The following BCAR3 variants were observed in gnomAD, a reference collection of about 807,000 sequenced individuals.
BCAR3 encodes the protein breast cancer anti-estrogen resistance protein 3.
BCAR3 carries 37 observed loss-of-function variants against 80.1 expected under a neutral mutation model. That is an observed-to-expected ratio of 0.46 (90% confidence interval 0.36 to 0.61). The LOEUF (loss-of-function observed/expected upper bound fraction) is 0.61. Ranked by LOEUF, BCAR3 falls within the 20% of genes least tolerant of loss-of-function variation. BCAR3 has a pLI of 0.00. For missense variants in BCAR3, 978 were observed against 1,068.2 expected (o/e 0.92, Z 1.18); for synonymous variants, 389 against 418.9 (o/e 0.93, Z 0.87).
intron 2 of BCAR3, chr1:93,845,477 TATATATATATATATATATATA>T (rs1557708395): frequency 0.02 from 51 of 2,612 alleles, 5 homozygotes; most frequent in African/African-American, 0.078. Context: ...TATATATATA[TATATATATATATATATATATA>T]TATAAAACTT....
chr1:93,639,190 C>T (rs1269643414), intron 3 of BCAR3, among the ~76,000 whole-genome samples: 2 of 152,110 alleles, frequency 1.3e-5, no homozygotes, highest in Non-Finnish European at 2.9e-5. Context: ...GAAACCGGTC[C>T]CCTTTCACCT....
intron 2 of BCAR3, among the ~76,000 whole-genome samples, chr1:93,836,157 G>C (rs770266966): frequency 6.6e-6 from 1 of 152,134 alleles, no homozygotes; most frequent in African/African-American, 2.4e-5. Flanking sequence ...GCCTGTCCTC[G>C]AGATGCTACA....
At chr1:93,692,386 C>G (rs6656270) in intron 3 of BCAR3, among the ~76,000 whole-genome samples, 38,945 of 152,062 alleles carry the variant, frequency 0.26, 7,134 homozygotes, top group African/African-American at 0.53. Flanking sequence ...GAATAATTTC[C>G]AGATAGTAAC....
intron 3 of BCAR3, among the ~76,000 whole-genome samples, chr1:93,697,933 G>A (rs909531967): frequency 2.6e-5 from 4 of 152,170 alleles, no homozygotes; most frequent in Non-Finnish European, 4.4e-5. Context: ...AGCCGAGATC[G>A]TGCCATTGCA....
intron 2 of BCAR3, among the ~76,000 whole-genome samples, chr1:93,843,939 G>A (rs1396621048): frequency 6.6e-6 from 1 of 152,166 alleles, no homozygotes; most frequent in Non-Finnish European, 1.5e-5. Context: ...GTAAAGCAAA[G>A]CTAGTGCAAA....
chr1:93,777,993 T>C (rs1652635435), intron 2 of BCAR3, among the ~76,000 whole-genome samples: 1 of 152,250 alleles, frequency 6.6e-6, no homozygotes, highest in Non-Finnish European at 1.5e-5. Flanking sequence ...TTCTTATTCA[T>C]ATTAACATTG....
At chr1:93,636,817 C>T (rs1675794248) in intron 3 of BCAR3, among the ~76,000 whole-genome samples, 2 of 152,158 alleles carry the variant, frequency 1.3e-5, no homozygotes, top group Non-Finnish European at 2.9e-5. Context: ...TTAGTCTTGG[C>T]CCAGCATGGT....
chr1:93,629,058 T>C (rs980260099), intron 3 of BCAR3, among the ~76,000 whole-genome samples: 1 of 152,184 alleles, frequency 6.6e-6, no homozygotes, highest in Admixed American at 6.5e-5. Context: ...TGATGTCCAA[T>C]GAAAAAAGCA....
intron 2 of BCAR3, among the ~76,000 whole-genome samples, chr1:93,804,983 C>G (rs1653611803): frequency 6.6e-6 from 1 of 152,166 alleles, no homozygotes; most frequent in African/African-American, 2.4e-5. Context: ...AACACAACTG[C>G]TTCCATTTTA....
chr1:93,631,581 T>G (rs1227042056), intron 3 of BCAR3, among the ~76,000 whole-genome samples: 1 of 152,068 alleles, frequency 6.6e-6, no homozygotes, highest in Non-Finnish European at 1.5e-5. Flanking sequence ...AGATTCGAAG[T>G]CCAATATGGA....
At chr1:93,583,641 C>T (rs919148640) in intron 6 of BCAR3, among the ~76,000 whole-genome samples, 5 of 152,188 alleles carry the variant, frequency 3.3e-5, no homozygotes, top group African/African-American at 1.2e-4. Context: ...TCCACCCGCC[C>T]ACCCGGGAAA....
chr1:93,572,218 G>A (rs1337585798), intron 8 of BCAR3, among the ~76,000 whole-genome samples: 1 of 152,190 alleles, frequency 6.6e-6, no homozygotes, highest in South Asian at 2.1e-4. Flanking sequence ...CAAAACGCCT[G>A]AGAATCTCTC....
chr1:93,601,467 C>T (rs578092593), intron 3 of BCAR3, among the ~76,000 whole-genome samples: 19 of 152,288 alleles, frequency 1.2e-4, no homozygotes, highest in African/African-American at 4.1e-4. Flanking sequence ...GGCATACTGT[C>T]GCTTGGTGGC....
chr1:93,681,219 G>C (rs975358403), intron 1 of BCAR3: 3 of 152,226 alleles, frequency 2.0e-5, no homozygotes, highest in South Asian at 2.1e-4. Context: ...GACAGGGCGG[G>C]GTGGCCGGCA....
At position 93,701,375 on chromosome 1, in the gene BCAR3, G is replaced by A. The variant is rs149223555; in HGVS notation, c.-12+4717C>T. Among the ~76,000 whole-genome samples the A allele has an allele frequency of 9.1e-3, 1,383 of 152,266 alleles. 21 individuals carry two copies. The highest frequency in any genetic ancestry group is 0.032 in the African/African-American group (1,336 of 41,542). On this transcript the variant is annotated intron_variant, in intron 3 of 13. Coordinates refer to the BCAR3 transcript ENST00000370244. ...GGGGCAGAGACCGGCCACCCCACGTGTCTTCCATTGGAATGGAAGTCAGGG... is the reference window on the plus strand; with the variant it reads ...GGGGCAGAGACCGGCCACCCCACGTATCTTCCATTGGAATGGAAGTCAGGG...
Position 93,592,817 on chromosome 1 carries a change from G to A in BCAR3, c.358-424C>T, listed in dbSNP as rs1175168089. The stretch of plus-strand genomic sequence containing the variant: ...CTTAGATCCTGGGCCTCTGGGCAGT[G>A]AGGCCCAAAGCACAGTCCTTGGGCT... On this transcript the variant is annotated intron_variant, in intron 3 of 11. Transcript: ENST00000260502. The surrounding 1 kb of genome is among the most constrained non-coding windows in gnomAD (Gnocchi z 4.8). Among the ~76,000 whole-genome samples the A allele has an allele frequency of 6.6e-6, 1 of 152,236 alleles. No individual in the cohort carries two copies. The highest frequency in any genetic ancestry group is 1.5e-5 in the Non-Finnish European group (1 of 68,044).
Position 93,802,811 on chromosome 1 carries a change from C to T in BCAR3, c.-63+42756G>A, listed in dbSNP as rs375663782. 2.1e-4 allele frequency among the ~76,000 whole-genome samples: 32 copies of T among 152,258 alleles called. No homozygotes were observed. In the East Asian group the frequency reaches 4.4e-3, roughly 21 times the overall value. ...CTGAATGGAAGCAATTTTATCATTC[C>T]CTCTTTTAGAAGCTTCTAAATACCC... On this transcript the variant is annotated intron_variant, in intron 2 of 13. Coordinates refer to the BCAR3 transcript ENST00000370244.
chr1:93,684,077 C>T (rs113045141), upstream of BCAR3, among the ~76,000 whole-genome samples: 96 of 152,230 alleles, frequency 6.3e-4, no homozygotes, highest in African/African-American at 2.1e-3. Context: ...TAGTCTTTAT[C>T]CTTCCTACTT....
intron 3 of BCAR3, among the ~76,000 whole-genome samples, chr1:93,624,937 G>A (rs922014451): frequency 1.6e-4 from 24 of 152,260 alleles, no homozygotes; most frequent in Admixed American, 2.0e-4. Context: ...ACGGCCAGGC[G>A]CGGTGGCTCA....
Sources: allele counts gnomAD v4.1 joint callset (sites outside exome capture counted in the v4.1 genomes callset), GRCh38; gene constraint gnomAD v4.1.1; non-coding constraint Gnocchi (gnomAD v3.1); transcripts MANE v1.5; gene names NCBI Gene and HGNC (gene_info 2026-07-23, HGNC 2026-07-21).